The following SETBP1 variants were observed in gnomAD, a reference collection of about 807,000 sequenced individuals.
The protein encoded by SETBP1 is SET binding protein 1, also known as SET-binding protein.
A neutral mutation model predicts 101.0 loss-of-function variants in SETBP1; 9 were observed. The ratio of observed to expected loss-of-function variants is 0.09; its 90% CI spans 0.05 to 0.16. The LOEUF (loss-of-function observed/expected upper bound fraction) is 0.16. Among genes scored for constraint, SETBP1 ranks in the 10% least tolerant of loss-of-function variants. The probability of loss-of-function intolerance (pLI) is 1.00; values close to 1 mark genes in which losing one functional copy is unlikely to be tolerated. For synonymous variants in SETBP1, 818 were observed against 788.5 expected (o/e 1.04, Z -0.63); for missense variants, 1,858 against 2,033.8 (o/e 0.91, Z 1.66).
At chr18:44,940,619 TAAG>T (rs139306117) in intron 3 of SETBP1, among the ~76,000 whole-genome samples, 2,335 of 152,300 alleles carry the variant, frequency 0.015, 27 homozygotes, top group Non-Finnish European at 0.022. Context: ...CCTTCACATA[TAAG>T]AAGATTACGA....
intron 2 of SETBP1, among the ~76,000 whole-genome samples, chr18:44,707,881 A>G (rs2069256859): frequency 6.6e-6 from 1 of 152,200 alleles, no homozygotes; most frequent in Non-Finnish European, 1.5e-5. Flanking sequence ...CTCTGTGTAG[A>G]GGAGCTTAAA....
intron 2 of SETBP1, among the ~76,000 whole-genome samples, chr18:44,746,306 A>G (rs2070245598): frequency 1.3e-5 from 2 of 152,378 alleles, no homozygotes; most frequent in South Asian, 2.1e-4. Context: ...AATAGGATAC[A>G]TGATAGTACA....
intron 2 of SETBP1, among the ~76,000 whole-genome samples, chr18:44,720,907 A>G (rs9807164): frequency 7.4e-5 from 6 of 81,222 alleles, no homozygotes; most frequent in African/African-American, 2.7e-4. Flanking sequence ...TCCAACCCCC[A>G]CCCCCCACCC....
chr18:44,804,201 T>G (rs1269136603), intron 2 of SETBP1, among the ~76,000 whole-genome samples: 1 of 152,102 alleles, frequency 6.6e-6, no homozygotes, highest in Non-Finnish European at 1.5e-5. Flanking sequence ...GAGGATATAG[T>G]GTGTGCATGG....
intron 2 of SETBP1, among the ~76,000 whole-genome samples, chr18:44,756,115 G>A (rs1156900601): frequency 6.6e-6 from 1 of 151,904 alleles, no homozygotes; most frequent in African/African-American, 2.4e-5. Context: ...TACTCCGGAG[G>A]GTGAGGAGGG....
intron 2 of SETBP1, among the ~76,000 whole-genome samples, chr18:44,836,018 A>G (rs2072487054): frequency 6.6e-6 from 1 of 152,124 alleles, no homozygotes; most frequent in Non-Finnish European, 1.5e-5. Context: ...GCAACTAATC[A>G]CGTGAAGCAT....
At chr18:45,050,617 G>A (rs1301319396) in intron 5 of SETBP1, among the ~76,000 whole-genome samples, 1 of 152,144 alleles carries the variant, frequency 6.6e-6, no homozygotes, top group African/African-American at 2.4e-5. Context: ...TGCTACCAAT[G>A]GATAGTTTCA....
intron 2 of SETBP1, among the ~76,000 whole-genome samples, chr18:44,839,128 A>G (rs1410296891): frequency 6.6e-6 from 1 of 151,986 alleles, no homozygotes; most frequent in East Asian, 1.9e-4. Flanking sequence ...ATTAACTATT[A>G]CAGGATAGAC....
chr18:44,791,103 G>C (rs753491493), intron 2 of SETBP1, among the ~76,000 whole-genome samples: 3 of 152,120 alleles, frequency 2.0e-5, no homozygotes, highest in Non-Finnish European at 4.4e-5. Flanking sequence ...GAGCTACTTT[G>C]CATAAGAGGT....
At chr18:44,969,218 G>C (rs2071787220) in intron 4 of SETBP1, among the ~76,000 whole-genome samples, 3 of 152,160 alleles carry the variant, frequency 2.0e-5, no homozygotes, top group Non-Finnish European at 4.4e-5. Flanking sequence ...TTTCAAGGCG[G>C]GGGAAGAAAG....
chr18:45,063,487 C>CGCCGCCCCT lies in SETBP1; in HGVS notation c.4587_4595dup (p.Leu1530_Pro1532dup), dbSNP rs771849515. The CGCCGCCCCT allele has an allele frequency of 5.7e-5, 82 of 1,440,198 alleles. No homozygotes were observed. The highest frequency in any genetic ancestry group is 7.3e-5 in the Non-Finnish European group (80 of 1,099,598). 89.2% of individuals were successfully genotyped at this position (1,440,198 alleles called of 1,614,324 possible). A position where few individuals can be genotyped will look rare whatever the true frequency, so the allele number is the denominator to read the frequency against. On this transcript the variant is annotated inframe_insertion, in exon 6 of 6. Coordinates refer to ENST00000649279, the MANE Select transcript of SETBP1 (RefSeq NM_015559.3). ...GCGCCGCCCCTGCCCCCGCCACCGC[C>CGCCGCCCCT]GCCGCCCCTGCCGCCACCGCCGCCA...
intron 2 of SETBP1, among the ~76,000 whole-genome samples, chr18:44,720,290 A>G (rs2069558181): frequency 6.6e-6 from 1 of 152,186 alleles, no homozygotes; most frequent in African/African-American, 2.4e-5. Flanking sequence ...ATTCCAGGAC[A>G]TCACCATAGA....
chr18:45,053,303 C>T (rs910363871), intron 5 of SETBP1, among the ~76,000 whole-genome samples: 2 of 152,036 alleles, frequency 1.3e-5, no homozygotes, highest in Non-Finnish European at 2.9e-5. Flanking sequence ...ATATAATCTC[C>T]AGAGAGTGAT....
intron 2 of SETBP1, among the ~76,000 whole-genome samples, chr18:44,723,009 C>T (rs924010070): frequency 2.6e-5 from 4 of 152,088 alleles, no homozygotes; most frequent in Non-Finnish European, 5.9e-5. Context: ...TAATTTAACC[C>T]ATTTAGGCTG....
intron 2 of SETBP1, among the ~76,000 whole-genome samples, chr18:44,812,280 A>G (rs940252141): frequency 6.6e-6 from 1 of 152,126 alleles, no homozygotes; most frequent in Non-Finnish European, 1.5e-5. Context: ...TAATGATGTC[A>G]TTCCTAAAAT....
At chr18:44,844,353 G>GCT (rs1406482456) in intron 2 of SETBP1, among the ~76,000 whole-genome samples, 3 of 138,184 alleles carry the variant, frequency 2.2e-5, no homozygotes, top group Non-Finnish European at 3.1e-5. Context: ...ACACACGCGC[G>GCT]CACACACACA....
At chr18:44,747,184 T>C (rs1014842409) in intron 2 of SETBP1, among the ~76,000 whole-genome samples, 2 of 152,228 alleles carry the variant, frequency 1.3e-5, no homozygotes, top group African/African-American at 4.8e-5. Flanking sequence ...AAGGTCCTGC[T>C]TCTTCCCCAT....
At chr18:44,680,869 A>AT (rs34436546), upstream of SETBP1, 101,411 of 147,456 alleles carry the variant, frequency 0.69, 34,992 homozygotes, top group African/African-American at 0.76. Flanking sequence ...GGAAGGCAGG[A>AT]TTTTTTTTTT....
chr18:45,020,242 G>C (rs1264279202), intron 4 of SETBP1, among the ~76,000 whole-genome samples: 1 of 110,950 alleles, frequency 9.0e-6, no homozygotes, highest in African/African-American at 3.5e-5. Flanking sequence ...CCTGGTGACA[G>C]AGCAAGACTC....
Sources: gnomAD v4.1 joint callset for allele counts (sites outside exome capture counted in the v4.1 genomes callset) on GRCh38, gnomAD v4.1.1 for gene constraint, MANE v1.5 for transcripts, NCBI Gene and HGNC (gene_info 2026-07-23, HGNC 2026-07-21) for gene names.